The following EYA4 variants were observed in gnomAD, a reference collection of about 807,000 sequenced individuals.
EYA4 encodes the protein protein phosphatase EYA4.
Under a neutral mutation model 87.9 loss-of-function variants are expected in EYA4, and 31 were observed. The observed-to-expected ratio is 0.35, with a 90% CI of 0.27 to 0.48. The LOEUF is 0.48. Ranked by LOEUF, EYA4 falls within the 20% of genes least tolerant of loss-of-function variation. EYA4 has a pLI of 0.99. For missense variants in EYA4, 678 were observed against 761.4 expected (o/e 0.89, Z 1.29); for synonymous variants, 263 against 270.6 (o/e 0.97, Z 0.28).
At chr6:133,443,519 G>C (rs1369872802) in intron 3 of EYA4, among the ~76,000 whole-genome samples, 1 of 151,754 alleles carries the variant, frequency 6.6e-6, no homozygotes, top group African/African-American at 2.4e-5. Flanking sequence ...CACAGATTTT[G>C]TTTCAATTAT....
In EYA4 at chr6:133,301,785, T is replaced by C. The variant is rs143964945; in HGVS notation, c.33+26972T>C. Among the ~76,000 whole-genome samples, 153 of 152,322 alleles carry C rather than the reference T, an allele frequency of 1.0e-3. 3 individuals carry two copies. In the East Asian group the frequency reaches 0.025, roughly 25 times the overall value. ...ACTTGATTTATTCTGATGGTTTTCA[T>C]TGATGCTTTCATTTATGTGACATGT... On this transcript the variant is annotated intron_variant, in intron 2 of 19. Transcript: ENST00000355286.
At chr6:133,508,781 A>G (rs1313457490) in intron 14 of EYA4, among the ~76,000 whole-genome samples, 1 of 152,194 alleles carries the variant, frequency 6.6e-6, no homozygotes, top group Non-Finnish European at 1.5e-5. Flanking sequence ...ACTTAAAGAC[A>G]TTTATTTTAG....
chr6:133,469,247 C>T (rs1022425947), intron 11 of EYA4, among the ~76,000 whole-genome samples: 79 of 151,858 alleles, frequency 5.2e-4, no homozygotes, highest in African/African-American at 1.6e-3. Flanking sequence ...ATTGCATTTG[C>T]GACACGTAAT....
At chr6:133,380,671 G>C (rs1487582982) in intron 2 of EYA4, among the ~76,000 whole-genome samples, 1 of 151,946 alleles carries the variant, frequency 6.6e-6, no homozygotes, top group African/African-American at 2.4e-5. Flanking sequence ...AGGAAAGAAG[G>C]TTCTTTTTTT....
chr6:133,503,462 G>A (rs957386660), intron 13 of EYA4, among the ~76,000 whole-genome samples: 6 of 152,204 alleles, frequency 3.9e-5, no homozygotes, highest in African/African-American at 9.6e-5. Flanking sequence ...ACTCCTATCT[G>A]AAATATATAT....
chr6:133,528,663 C>A, intron 19 of EYA4, 62 bp from the exon 20 acceptor site: 4 of 1,165,794 alleles, frequency 3.4e-6, no homozygotes, highest in Non-Finnish European at 5.2e-6. Context: ...TGGTTGTGAT[C>A]TCTCTCCATG....
Position 133,274,808 on chromosome 6 carries a change from C to T in EYA4, c.28C>T (p.Gln10Ter). 1 of 1,613,366 alleles carries T rather than the reference C, an allele frequency of 6.2e-7. No homozygotes were observed. Among genetic ancestry groups the T allele is most frequent in the Non-Finnish European group, 8.5e-7 (1 of 1,179,484 alleles). ...GGAAGACTCCCAGGATTTAAATGAA[C>T]AATCAGTAAGTCTTCATTCTCAGTT... MEDSQDLNE[Q>*]SVKKTCTESD... The change falls in exon 2 of 20, where the codon CAA becomes TAA. Residue 10 changes from glutamine (Q) to a stop codon, truncating the protein, a stop_gained. Coordinates refer to ENST00000355286, the MANE Select transcript of EYA4 (RefSeq NM_004100.5). LOFTEE classifies it high-confidence loss of function.
In EYA4 at chr6:133,529,526, A is replaced by G; in HGVS notation, c.*721A>G. Reference sequence around the variant, plus strand: ...GTTAAAATCTCTGTAGATAATGAAAAAAAACAAAAAAAAAAACCTTTGTGA... The same window carrying G: ...GTTAAAATCTCTGTAGATAATGAAAGAAAACAAAAAAAAAAACCTTTGTGA... On this transcript the variant is annotated 3_prime_UTR_variant, in exon 20 of 20. Transcript: ENST00000355286. The G allele has an allele frequency of 1.0e-6, 1 of 983,218 alleles. No individual in the cohort carries two copies. Among genetic ancestry groups the G allele is most frequent in the African/African-American group, 1.8e-5 (1 of 57,038 alleles). The allele number at this position is 983,218 out of a possible 1,614,324, so 60.9% of individuals were successfully genotyped here.
At chr6:133,288,697 G>GATAAAC (rs1264525409) in intron 2 of EYA4, among the ~76,000 whole-genome samples, 1 of 152,074 alleles carries the variant, frequency 6.6e-6, no homozygotes, top group Non-Finnish European at 1.5e-5. Flanking sequence ...GAAGGATGAA[G>GATAAAC]ATAAACATAG....
Position 133,385,438 on chromosome 6 carries a change from T to A in EYA4, c.83+2997T>A, listed in dbSNP as rs909779250. Among the ~76,000 whole-genome samples, 73 of 110,746 alleles carry A rather than the reference T, an allele frequency of 6.6e-4. 1 individual carries two copies. The highest frequency in any genetic ancestry group is 1.8e-3 in the African/African-American group (60 of 33,386). 72.7% of individuals were successfully genotyped at this position (110,746 alleles called of 152,430 possible). On this transcript the variant is annotated intron_variant, in intron 3 of 19. Coordinates refer to ENST00000355286, the MANE Select transcript of EYA4 (RefSeq NM_004100.5). ...GTGTGTGTGTGTGTGTGTGTGTGTG[T>A]GTGAGAGAGAGAGAGAGAGATTCAG... is the stretch of plus-strand genomic sequence containing the variant.
At chr6:133,248,796 A>G (rs1002254874) in intron 1 of EYA4, 1 of 152,108 alleles carries the variant, frequency 6.6e-6, no homozygotes, top group Non-Finnish European at 1.5e-5. Context: ...ATCTAAAACA[A>G]TGCTTCTAGT....
intron 13 of EYA4, among the ~76,000 whole-genome samples, chr6:133,495,646 A>G: frequency 6.6e-6 from 1 of 152,056 alleles, no homozygotes; most frequent in Non-Finnish European, 1.5e-5. Flanking sequence ...AGTGGACACA[A>G]GTTGACCACT....
intron 2 of EYA4, among the ~76,000 whole-genome samples, chr6:133,287,003 A>G (rs143676480): frequency 9.3e-4 from 142 of 152,254 alleles, no homozygotes; most frequent in African/African-American, 3.2e-3. Context: ...TTGTGACAAT[A>G]AAAAATGTCT....
At chr6:133,268,720 G>T (rs763632147) in intron 1 of EYA4, among the ~76,000 whole-genome samples, 1 of 152,138 alleles carries the variant, frequency 6.6e-6, no homozygotes, top group Non-Finnish European at 1.5e-5. Flanking sequence ...AGCTAGGAAA[G>T]GATAAGCAAG....
intron 4 of EYA4, among the ~76,000 whole-genome samples, chr6:133,447,321 A>T (rs966661777): frequency 6.6e-6 from 1 of 152,170 alleles, no homozygotes; most frequent in African/African-American, 2.4e-5. Flanking sequence ...TTAGCCCATA[A>T]TTACGCCACA....
chr6:133,299,955 C>CTATATATATATATATA (rs1016744513), intron 2 of EYA4, among the ~76,000 whole-genome samples: 1 of 106,208 alleles, frequency 9.4e-6, no homozygotes, highest in Admixed American at 9.5e-5. Context: ...ATCTATCTAT[C>CTATATATATATATATA]TATATATATA....
intron 14 of EYA4, 194 bp downstream of exon 14, chr6:133,506,389 A>T (rs1202262127): frequency 2.0e-6 from 1 of 495,000 alleles, no homozygotes; most frequent in African/African-American, 1.9e-5. Flanking sequence ...AATAATACAT[A>T]TGTAGAACAA....
chr6:133,403,167 C>CAA (rs142738857), intron 3 of EYA4, among the ~76,000 whole-genome samples: 15 of 150,490 alleles, frequency 1.0e-4, no homozygotes, highest in East Asian at 3.9e-4. Context: ...TTCAAATAGC[C>CAA]AAAAAAAAAT....
chr6:133,370,018 A>C (rs946231836), intron 2 of EYA4, among the ~76,000 whole-genome samples: 14 of 152,190 alleles, frequency 9.2e-5, no homozygotes, highest in African/African-American at 3.1e-4. Flanking sequence ...AGTGTTTACT[A>C]TCCAGGTCTC....
Sources: allele counts gnomAD v4.1 joint callset (sites outside exome capture counted in the v4.1 genomes callset), GRCh38; gene constraint gnomAD v4.1.1; transcripts MANE v1.5; gene names NCBI Gene and HGNC (gene_info 2026-07-23, HGNC 2026-07-21).